GJA1: variants seen among roughly 807,000 people sequenced by gnomAD.
GJA1 encodes gap junction protein alpha 1.
GJA1 carries 9 observed loss-of-function variants against 31.0 expected under a neutral mutation model. That is an observed-to-expected ratio of 0.29 (90% CI 0.17 to 0.51). The LOEUF (loss-of-function observed/expected upper bound fraction) is 0.51. GJA1 is among the 20% of genes least tolerant of loss of function. GJA1 has a pLI of 0.98. For missense variants in GJA1, 278 were observed against 468.8 expected (o/e 0.59, Z 3.76); for synonymous variants, 186 against 180.1 (o/e 1.03, Z -0.26).
intron 1 of GJA1, among the ~76,000 whole-genome samples, chr6:121,439,141 A>G (rs997016325): frequency 1.3e-5 from 2 of 152,168 alleles, no homozygotes; most frequent in African/African-American, 4.8e-5. Flanking sequence ...CTATAAAAAA[A>G]AATTTTAAAA....
At chr6:121,437,188 C>T (rs1350771626) in intron 1 of GJA1, among the ~76,000 whole-genome samples, 2 of 152,154 alleles carry the variant, frequency 1.3e-5, no homozygotes, top group Non-Finnish European at 2.9e-5. Context: ...TCCCCCAAAT[C>T]CTCACAAGTC....
chr6:121,448,195 A>T lies in GJA1; in HGVS notation c.*199A>T. ...GGGTAGATGGGTGGAGAGGGAGGGG[A>T]TAAGAGAGGTGCATGTTGGTATTTA... is the stretch of plus-strand genomic sequence containing the variant. On this transcript the variant is annotated 3_prime_UTR_variant, in exon 2 of 2. Transcript: ENST00000282561. 1.6e-6 allele frequency: 1 copy of T among 631,724 alleles called. No individual in the cohort carries two copies. The highest frequency in any genetic ancestry group is 2.9e-6 in the Non-Finnish European group (1 of 345,762). 39.1% of individuals were successfully genotyped at this position (631,724 alleles called of 1,614,324 possible).
chr6:121,436,810 G>T (rs1773671528), intron 1 of GJA1, among the ~76,000 whole-genome samples: 1 of 152,136 alleles, frequency 6.6e-6, no homozygotes, highest in Non-Finnish European at 1.5e-5. Flanking sequence ...AGAACTCTGG[G>T]GCAGTTCTTT....
In GJA1 at chr6:121,449,319, C is replaced by T. The variant is rs1773945369; in HGVS notation, c.*1323C>T. On this transcript the variant is annotated 3_prime_UTR_variant, in exon 2 of 2. Coordinates refer to ENST00000282561, the MANE Select transcript of GJA1 (RefSeq NM_000165.5). ...CTACTTAATACACAGTAATTCAGAA[C>T]TTGTATTCTATTATGAGTTTAGCAG... 1 of 167,026 alleles carries T rather than the reference C, an allele frequency of 6.0e-6. No homozygotes were observed. The highest frequency in any genetic ancestry group is 1.5e-5 in the Non-Finnish European group (1 of 68,104). The allele number at this position is 167,026 out of a possible 1,614,324, so 10.3% of individuals were successfully genotyped here.
intron 1 of GJA1, among the ~76,000 whole-genome samples, chr6:121,436,184 TG>T (rs11333433): frequency 0.24 from 7,091 of 29,866 alleles, 641 homozygotes; most frequent in East Asian, 0.45. Flanking sequence ...ATTTGTTGGG[TG>T]GGGGGGGGGC....
At chr6:121,444,594 T>C (rs2114279655) in intron 1 of GJA1, among the ~76,000 whole-genome samples, 1 of 152,262 alleles carries the variant, frequency 6.6e-6, no homozygotes, top group Non-Finnish European at 1.5e-5. Flanking sequence ...TCCCCTGGAT[T>C]TCATTTACTT....
chr6:121,440,152 A>C (rs867958892), intron 1 of GJA1, among the ~76,000 whole-genome samples: 1 of 151,950 alleles, frequency 6.6e-6, no homozygotes, highest in Non-Finnish European at 1.5e-5. Flanking sequence ...TGTGTGGTGC[A>C]ATCGGAGTTA....
At chr6:121,439,613 A>C (rs1159191581) in intron 1 of GJA1, among the ~76,000 whole-genome samples, 2 of 152,072 alleles carry the variant, frequency 1.3e-5, no homozygotes, top group African/African-American at 2.4e-5. Context: ...TGAACTAGGG[A>C]GAGGATTGTC....
intron 1 of GJA1, among the ~76,000 whole-genome samples, chr6:121,443,110 T>G (rs1773823890): frequency 6.6e-6 from 1 of 152,170 alleles, no homozygotes; most frequent in Non-Finnish European, 1.5e-5. Context: ...TGTAAACATA[T>G]AATTATGCCC....
chr6:121,447,697 C>G lies in GJA1; in HGVS notation c.850C>G (p.Pro284Ala). Residue 284 changes from proline to alanine, a missense_variant, in exon 2 of 2, where the codon CCT (proline) becomes GCT (alanine). Transcript: ENST00000282561. ...CGCTCCCCTCTCGCCTATGTCTCCT[C>G]CTGGGTACAAGCTGGTTACTGGCGA... ...PTAPLSPMSP[P>A]GYKLVTGDRN... 6.2e-7 allele frequency: 1 copy of G among 1,614,086 alleles called. No individual in the cohort carries two copies. Among genetic ancestry groups the G allele is most frequent in the East Asian group, 2.2e-5 (1 of 44,866 alleles).
intron 1 of GJA1, among the ~76,000 whole-genome samples, chr6:121,441,660 C>CAACA (rs1382518638): frequency 2.6e-5 from 4 of 152,090 alleles, no homozygotes; most frequent in African/African-American, 4.8e-5. Flanking sequence ...GTGAGACCTG[C>CAACA]AACAAGTGAG....
Position 121,447,153 on chromosome 6 carries a change from G to A in GJA1, c.306G>A (p.Lys102=). 3 of 1,613,950 alleles carry A rather than the reference G, an allele frequency of 1.9e-6. No homozygotes were observed. The highest frequency in any genetic ancestry group is 2.5e-6 in the Non-Finnish European group (3 of 1,179,856). Residue 102 remains lysine (K), a synonymous_variant, in exon 2 of 2, where the codon AAG becomes AAA. Transcript: ENST00000282561. ...CTCATGTGTTCTATGTGATGCGAAA[G>A]GAAGAGAAACTGAACAAGAAAGAGG... ...YLAHVFYVMR[K]EEKLNKKEEE... is the part of the protein sequence containing the mutation.
intron 1 of GJA1, among the ~76,000 whole-genome samples, chr6:121,440,908 CTTT>C (rs1171586137): frequency 1.3e-4 from 17 of 135,382 alleles, no homozygotes; most frequent in African/African-American, 4.4e-4. Context: ...CGCCTGGCTA[CTTT>C]TTTGTTGTTG....
At chr6:121,446,753 C>CT in intron 1 of GJA1, 79 bp from the exon 2 acceptor site, 1 of 924,396 alleles carries the variant, frequency 1.1e-6, no homozygotes, top group East Asian at 2.4e-5. Flanking sequence ...AGTATTTTGA[C>CT]TATCACCTGA....
chr6:121,442,570 A>G (rs1165969356), intron 1 of GJA1, among the ~76,000 whole-genome samples: 2 of 151,892 alleles, frequency 1.3e-5, no homozygotes, highest in African/African-American at 4.8e-5. Context: ...CATTTCTCCC[A>G]CTCCTAAATA....
intron 1 of GJA1, among the ~76,000 whole-genome samples, chr6:121,443,262 A>AG (rs1407939094): frequency 2.6e-5 from 4 of 152,290 alleles, no homozygotes; most frequent in Non-Finnish European, 4.4e-5. Flanking sequence ...CCAAAAAAAA[A>AG]GGGAACAATT....
chr6:121,441,016 C>T (rs1034097768), intron 1 of GJA1, among the ~76,000 whole-genome samples: 3 of 151,982 alleles, frequency 2.0e-5, no homozygotes, highest in East Asian at 1.9e-4. Context: ...GATCCCGGCT[C>T]ACTGCAAGCT....
chr6:121,438,877 TTG>T (rs1773715990), intron 1 of GJA1, among the ~76,000 whole-genome samples: 1 of 152,248 alleles, frequency 6.6e-6, no homozygotes, highest in Admixed American at 6.5e-5. Context: ...TATGTACAGA[TTG>T]TCTTTTACCT....
intron 1 of GJA1, among the ~76,000 whole-genome samples, chr6:121,443,050 CT>C (rs1264975254): frequency 6.6e-6 from 1 of 152,168 alleles, no homozygotes; most frequent in Non-Finnish European, 1.5e-5. Flanking sequence ...CTGTTTCCCC[CT>C]GGTGAATAAA....
Sources: allele counts gnomAD v4.1 joint callset (sites outside exome capture counted in the v4.1 genomes callset), GRCh38; gene constraint gnomAD v4.1.1; transcripts MANE v1.5; gene names NCBI Gene and HGNC (gene_info 2026-07-23, HGNC 2026-07-21).